Variants in TM4SF4 observed in about 807,000 individuals in gnomAD.
TM4SF4 encodes the protein transmembrane 4 L6 family member 4.
TM4SF4 carries 24 observed loss-of-function variants against 24.1 expected under a neutral mutation model. The ratio of observed to expected loss-of-function variants is 1.00; its 90% confidence interval spans 0.72 to 1.40. TM4SF4 has a LOEUF of 1.40. TM4SF4 is among the 40% of genes most tolerant of loss of function. The pLI is 0.00. For synonymous variants in TM4SF4, 113 were observed against 97.0 expected, an observed-to-expected ratio of 1.17 and a Z score of -0.97; for missense variants, 254 against 254.2, an observed-to-expected ratio of 1.00 and a Z score of 0.01.
At chr3:149,484,531 G>A (rs929155826) in intron 2 of TM4SF4, among the ~76,000 whole-genome samples, 5 of 151,640 alleles carry the variant, frequency 3.3e-5, no homozygotes, top group Non-Finnish European at 5.9e-5. Context: ...TTACAGGCAT[G>A]GGCCACCACA....
chr3:149,484,991 C>G (rs1351657057), intron 2 of TM4SF4, among the ~76,000 whole-genome samples: 1 of 152,182 alleles, frequency 6.6e-6, no homozygotes, highest in African/African-American at 2.4e-5. Context: ...ATTCTGTCAT[C>G]TAACAATGAT....
rs1733898460 is a variant in TM4SF4, at chr3:149,474,951, A to G, written c.74A>G (p.Asn25Ser). The change falls in exon 1 of 5, where the codon AAC becomes AGC. Residue 25 changes from asparagine (N) to serine (S), a missense_variant. By Grantham distance (46) the Asn-to-Ser change is conservative. Transcript: ENST00000305354. ...CTTGCTTTTTTTGGCTTCCTGGCTA[A>G]CATCCTGTTATTTTTTCCTGGAGGA... is the stretch of plus-strand genomic sequence containing the variant. ...IPLAFFGFLA[N>S]ILLFFPGGKV... 6.2e-7 allele frequency: 1 copy of G among 1,613,902 alleles called. No individual in the cohort carries two copies. Among genetic ancestry groups the G allele is most frequent in the African/African-American group, 1.3e-5 (1 of 75,028 alleles).
chr3:149,480,863 A>G (rs1358690112), intron 2 of TM4SF4, among the ~76,000 whole-genome samples: 6 of 150,772 alleles, frequency 4.0e-5, no homozygotes, highest in Non-Finnish European at 5.9e-5. Context: ...ATTTTTATTT[A>G]TTTATATTTT....
intron 3 of TM4SF4, among the ~76,000 whole-genome samples, chr3:149,491,854 T>A (rs555785696): frequency 1.2e-4 from 18 of 152,248 alleles, no homozygotes; most frequent in Admixed American, 1.1e-3. Flanking sequence ...ATGAAAAGGC[T>A]GACATGCTCA....
chr3:149,479,694 T>C (rs529878214), intron 2 of TM4SF4, among the ~76,000 whole-genome samples: 1 of 152,278 alleles, frequency 6.6e-6, no homozygotes, highest in African/African-American at 2.4e-5. Context: ...ATAGGGAGCA[T>C]TGCATAGGAA....
intron 2 of TM4SF4, among the ~76,000 whole-genome samples, chr3:149,481,053 C>T (rs1734025453): frequency 6.6e-6 from 1 of 151,928 alleles, no homozygotes; most frequent in Admixed American, 6.6e-5. Flanking sequence ...GTAGAGACTG[C>T]ATTTCACTAT....
At chr3:149,485,744 C>T (rs1351154771) in intron 2 of TM4SF4, among the ~76,000 whole-genome samples, 5 of 152,030 alleles carry the variant, frequency 3.3e-5, no homozygotes, top group Non-Finnish European at 5.9e-5. Context: ...CAGTGAACCA[C>T]GATTGCACCA....
rs532724643 is a variant in TM4SF4, at chr3:149,482,915, T to C, written c.265-4704T>C. Reference sequence around the variant, plus strand: ...AGTTATTCTATGCTGGCTTTTTGACTGATCATATCTCTAAGAATTTATTCT... The same window carrying C: ...AGTTATTCTATGCTGGCTTTTTGACCGATCATATCTCTAAGAATTTATTCT... On this transcript the variant is annotated intron_variant, in intron 2 of 4. Transcript: ENST00000305354. Among the ~76,000 whole-genome samples the C allele has an allele frequency of 1.9e-3, 287 of 152,360 alleles. 2 individuals are homozygous for C. The highest frequency in any genetic ancestry group is 6.3e-3 in the Admixed American group (97 of 15,300).
At chr3:149,488,872 A>T (rs1206787068) in intron 3 of TM4SF4, among the ~76,000 whole-genome samples, 2 of 151,970 alleles carry the variant, frequency 1.3e-5, no homozygotes, top group African/African-American at 2.4e-5. Flanking sequence ...ATTTGTGCCT[A>T]AAAAAAATCT....
intron 2 of TM4SF4, among the ~76,000 whole-genome samples, chr3:149,480,810 C>G (rs1169629989): frequency 6.6e-6 from 1 of 151,900 alleles, no homozygotes; most frequent in African/African-American, 2.4e-5. Flanking sequence ...GATGTTTTCT[C>G]CCTAAGCTCC....
intron 3 of TM4SF4, among the ~76,000 whole-genome samples, chr3:149,497,207 T>C (rs114877768): frequency 0.029 from 4,373 of 152,306 alleles, 75 homozygotes; most frequent in Middle Eastern, 0.065. Flanking sequence ...ACTTACTATA[T>C]GCTAAGCACT....
At chr3:149,478,178 T>C (rs1733969084) in intron 2 of TM4SF4, among the ~76,000 whole-genome samples, 1 of 152,236 alleles carries the variant, frequency 6.6e-6, no homozygotes, top group African/African-American at 2.4e-5. Context: ...GGAGTTTAGC[T>C]CTTGTTGCCC....
chr3:149,482,092 C>A (rs1340720564), intron 2 of TM4SF4, among the ~76,000 whole-genome samples: 1 of 152,202 alleles, frequency 6.6e-6, no homozygotes, highest in Admixed American at 6.5e-5. Context: ...GCCTATCCCA[C>A]GTGGGGATGA....
chr3:149,493,200 T>C (rs1734245334), intron 3 of TM4SF4, among the ~76,000 whole-genome samples: 1 of 152,228 alleles, frequency 6.6e-6, no homozygotes, highest in South Asian at 2.1e-4. Flanking sequence ...AAAAATGTTA[T>C]GCTTTTATAA....
intron 3 of TM4SF4, among the ~76,000 whole-genome samples, chr3:149,496,687 G>A (rs1734317223): frequency 1.3e-5 from 2 of 149,650 alleles, no homozygotes; most frequent in Non-Finnish European, 1.5e-5. Flanking sequence ...AGAACCGCTT[G>A]AACCCGGGAG....
intron 2 of TM4SF4, among the ~76,000 whole-genome samples, chr3:149,480,445 A>G (rs1224116825): frequency 6.6e-6 from 1 of 152,170 alleles, no homozygotes; most frequent in African/African-American, 2.4e-5. Context: ...CACCATCCTT[A>G]AAGCATATTA....
At chr3:149,502,426 G>A (rs1297705692) in intron 4 of TM4SF4, among the ~76,000 whole-genome samples, 4 of 152,038 alleles carry the variant, frequency 2.6e-5, no homozygotes, top group East Asian at 1.9e-4. Context: ...TAAATAAAAT[G>A]TAACTTCCTT....
intron 3 of TM4SF4, among the ~76,000 whole-genome samples, chr3:149,491,293 T>TCCAAAAAAAAAAA (rs1734204834): frequency 9.1e-5 from 3 of 32,970 alleles, no homozygotes; most frequent in South Asian, 3.0e-3. Flanking sequence ...AGCGCCCCTC[T>TCCAAAAAAAAAAA]ACAAAAAAAA....
chr3:149,495,624 A>G (rs1302537175), intron 3 of TM4SF4: 3 of 337,820 alleles, frequency 8.9e-6, no homozygotes, highest in African/African-American at 4.4e-5. Flanking sequence ...TGACCCACCA[A>G]TGGGAGCAGC....
Sources: gnomAD v4.1 joint callset for allele counts (sites outside exome capture counted in the v4.1 genomes callset) on GRCh38, gnomAD v4.1.1 for gene constraint, MANE v1.5 for transcripts, NCBI Gene and HGNC (gene_info 2026-07-23, HGNC 2026-07-21) for gene names.